Variants in TBCD observed in about 807,000 individuals in gnomAD.
TBCD encodes tubulin folding cofactor D, also known as tubulin-specific chaperone D.
In TBCD, 105 loss-of-function variants were observed where a neutral mutation model predicts 169.3. The ratio of observed to expected loss-of-function variants is 0.62; its 90% CI spans 0.53 to 0.73. The LOEUF (loss-of-function observed/expected upper bound fraction) is 0.73, where lower values mean the gene tolerates loss of function less well. TBCD is among the 30% of genes least tolerant of loss of function. The pLI, the probability that TBCD is intolerant of heterozygous loss-of-function variation, is 0.00. For missense variants in TBCD, 1,444 were observed against 1,600.1 expected (o/e 0.90, Z 1.66); for synonymous variants, 700 against 643.9 (o/e 1.09, Z -1.32).
chr17:82,810,511 C>A (rs2144853763), intron 12 of TBCD, among the ~76,000 whole-genome samples: 1 of 144,010 alleles, frequency 6.9e-6, no homozygotes, highest in African/African-American at 2.6e-5. Context: ...TCAGGGAGTT[C>A]TGGGTCTTGG....
intron 13 of TBCD, among the ~76,000 whole-genome samples, chr17:82,840,953 G>GTTTT (rs755302623): frequency 0.025 from 1,786 of 70,538 alleles, 578 homozygotes; most frequent in East Asian, 0.061. Context: ...CAGACAAACT[G>GTTTT]GTTTTTTTTT....
intron 6 of TBCD, among the ~76,000 whole-genome samples, chr17:82,778,549 C>G (rs1425736057): frequency 3.3e-5 from 5 of 152,174 alleles, no homozygotes; most frequent in Admixed American, 3.3e-4. Context: ...ACCTCCATCT[C>G]CTAGGCTCAA....
intron 14 of TBCD, among the ~76,000 whole-genome samples, chr17:82,872,261 T>C (rs114406077): frequency 0.025 from 3,760 of 152,224 alleles, 180 homozygotes; most frequent in African/African-American, 0.086. Context: ...GGCTGGAGGG[T>C]GCTGGTGCTG....
intron 8 of TBCD, among the ~76,000 whole-genome samples, chr17:82,799,379 G>A (rs35290522): frequency 0.044 from 6,169 of 139,204 alleles, 184 homozygotes; most frequent in Non-Finnish European, 0.064. Context: ...GGAGTTGGAG[G>A]TTGCAGTGAG....
chr17:82,803,025 T>A (rs2050689114), intron 9 of TBCD, among the ~76,000 whole-genome samples: 1 of 152,268 alleles, frequency 6.6e-6, no homozygotes, highest in African/African-American at 2.4e-5. Flanking sequence ...TCTCTACGTT[T>A]CCTGTATTTC....
intron 12 of TBCD, among the ~76,000 whole-genome samples, chr17:82,810,684 C>G (rs754373456): frequency 4.6e-5 from 7 of 152,224 alleles, no homozygotes; most frequent in African/African-American, 7.2e-5. Flanking sequence ...GTGTAAATGT[C>G]TCTCCCAGTT....
chr17:82,822,609 C>T (rs2052506094), intron 13 of TBCD, among the ~76,000 whole-genome samples: 1 of 152,114 alleles, frequency 6.6e-6, no homozygotes, highest in African/African-American at 2.4e-5. Flanking sequence ...AACATAAAGT[C>T]AGATACTGGG....
At position 82,931,034 on chromosome 17, in the gene TBCD, C is replaced by T. The variant is rs570957902; in HGVS notation, c.3113+391C>T. Among the ~76,000 whole-genome samples, 7 of 152,342 alleles carry T rather than the reference C, an allele frequency of 4.6e-5. No individual in the cohort carries two copies. In the East Asian group the frequency reaches 1.4e-3, roughly 29 times the overall value. Reference sequence around the variant, plus strand: ...CCCGGCAAGTGAGAGCTCTGTGTTCCTGAGGATGGAATGTCAAGTGAGAAA... The same window carrying T: ...CCCGGCAAGTGAGAGCTCTGTGTTCTTGAGGATGGAATGTCAAGTGAGAAA... On this transcript the variant is annotated intron_variant, in intron 33 of 38. Transcript: ENST00000355528.
At chr17:82,795,421 T>C (rs2050031833) in intron 7 of TBCD, 3 of 457,030 alleles carry the variant, frequency 6.6e-6, no homozygotes, top group Non-Finnish European at 8.6e-6. Flanking sequence ...CGCCCACAGC[T>C]GCACAGCTGC....
intron 13 of TBCD, among the ~76,000 whole-genome samples, chr17:82,837,741 T>C (rs1044607196): frequency 2.0e-5 from 3 of 152,272 alleles, no homozygotes; most frequent in Admixed American, 6.5e-5. Context: ...GGATCAAAGG[T>C]GGCTGTTGCT....
At chr17:82,801,053 TG>T in intron 9 of TBCD, 57 bp downstream of exon 9, 1 of 977,888 alleles carries the variant, frequency 1.0e-6, no homozygotes, top group South Asian at 2.4e-5. Context: ...GGGGTTGCTG[TG>T]GGGGGCAGGC....
chr17:82,922,317 C>T lies in TBCD; in HGVS notation c.2178+740C>T, dbSNP rs192597300. On this transcript the variant is annotated intron_variant, in intron 25 of 38. Coordinates refer to ENST00000355528, the MANE Select transcript of TBCD (RefSeq NM_005993.5). This position sits in a 1 kb window ranked among gnomAD's most constrained non-coding sequence, Gnocchi z 4.1. ...CGAAGGTTGCAGTGAACCGAGATCA[C>T]GCCATTGCACTCCAGCCTGGGTGAC... is the stretch of plus-strand genomic sequence containing the variant. 1.3e-5 allele frequency among the ~76,000 whole-genome samples: 2 copies of T among 152,176 alleles called. No individual in the cohort carries two copies. The highest frequency in any genetic ancestry group is 1.9e-4 in the East Asian group (1 of 5,188).
At chr17:82,848,573 A>G (rs2055353656) in intron 13 of TBCD, among the ~76,000 whole-genome samples, 1 of 152,214 alleles carries the variant, frequency 6.6e-6, no homozygotes, top group South Asian at 2.1e-4. Flanking sequence ...TAGGGAGTTT[A>G]TTCAGAGGGT....
At chr17:82,860,438 G>T in intron 13 of TBCD, 1 of 985,504 alleles carries the variant, frequency 1.0e-6, no homozygotes, top group Non-Finnish European at 1.2e-6. Context: ...GACACAGGTG[G>T]AAGGAACCAC....
intron 37 of TBCD, among the ~76,000 whole-genome samples, chr17:82,941,086 C>T (rs915510233): frequency 3.3e-5 from 5 of 152,256 alleles, no homozygotes; most frequent in Admixed American, 3.3e-4. Context: ...ACCTGGAAAA[C>T]CCTTGTCAGC....
chr17:82,942,588 A>T lies in TBCD; in HGVS notation c.*125A>T. Reference sequence around the variant, plus strand: ...GTTGAAGGGTAGCGCTGGCCCTTGGAGGCTGGCACTAGCTGACAGCTTTTC... The same window carrying T: ...GTTGAAGGGTAGCGCTGGCCCTTGGTGGCTGGCACTAGCTGACAGCTTTTC... On this transcript the variant is annotated 3_prime_UTR_variant, in exon 39 of 39. Coordinates refer to ENST00000355528, the MANE Select transcript of TBCD (RefSeq NM_005993.5). The T allele has an allele frequency of 1.5e-6, 2 of 1,335,172 alleles. No individual in the cohort carries two copies. The highest frequency in any genetic ancestry group is 2.1e-6 in the Non-Finnish European group (2 of 945,422). 82.7% of individuals were successfully genotyped at this position (1,335,172 alleles called of 1,614,324 possible).
rs141831392 is a variant in TBCD at position 82,774,160 on chromosome 17, C to G, written c.638+1653C>G. On this transcript the variant is annotated intron_variant, in intron 6 of 38. Transcript: ENST00000355528. ...GGAAGGTCGCAGATAAACATGTGAA[C>G]AAAGGTCTCTGGTTTTCCTAGGCAG... 1.8e-3 allele frequency among the ~76,000 whole-genome samples: 269 copies of G among 151,300 alleles called. 2 individuals carry two copies. The highest frequency in any genetic ancestry group is 5.8e-3 in the African/African-American group (238 of 41,166).
At chr17:82,912,654 G>A (rs374498372) in intron 23 of TBCD, among the ~76,000 whole-genome samples, 3 of 148,158 alleles carry the variant, frequency 2.0e-5, no homozygotes, top group Admixed American at 6.6e-5. Flanking sequence ...TGAGGTCTGC[G>A]TGGTCTGAGC....
chr17:82,794,309 A>G (rs754568411), intron 7 of TBCD, among the ~76,000 whole-genome samples: 3 of 152,188 alleles, frequency 2.0e-5, no homozygotes, highest in Non-Finnish European at 2.9e-5. Flanking sequence ...GTGGGTAGCC[A>G]TCGAAAGGTG....
Sources: gnomAD v4.1 joint callset for allele counts (sites outside exome capture counted in the v4.1 genomes callset) on GRCh38, gnomAD v4.1.1 for gene constraint, Gnocchi (gnomAD v3.1) non-coding constraint, MANE v1.5 for transcripts, NCBI Gene and HGNC (gene_info 2026-07-23, HGNC 2026-07-21) for gene names.